Variants in SOX6 observed in about 807,000 individuals in gnomAD.
SOX6 encodes the protein SRY-box transcription factor 6.
A neutral mutation model predicts 97.8 loss-of-function variants in SOX6; 11 were observed. The ratio of observed to expected loss-of-function variants is 0.11; its 90% CI spans 0.07 to 0.19. The LOEUF is 0.19. SOX6 is among the 10% of genes least tolerant of loss of function. The pLI is 1.00. For synonymous variants in SOX6, 360 were observed against 371.4 expected (o/e 0.97, Z 0.35); for missense variants, 810 against 1,039.5 (o/e 0.78, Z 3.04).
At chr11:16,457,778 A>C (rs1217192103) in intron 1 of SOX6, among the ~76,000 whole-genome samples, 1 of 152,048 alleles carries the variant, frequency 6.6e-6, no homozygotes, top group East Asian at 1.9e-4. Flanking sequence ...TACTCCAAAA[A>C]GTATGTTGAG....
intron 13 of SOX6, among the ~76,000 whole-genome samples, chr11:16,011,713 T>C (rs2133858684): frequency 6.6e-6 from 1 of 152,162 alleles, no homozygotes; most frequent in Admixed American, 6.5e-5. Context: ...TGGCTTACTT[T>C]AGTCACTTCA....
chr11:16,108,424 G>A (rs1203832966), intron 7 of SOX6, among the ~76,000 whole-genome samples: 1 of 152,124 alleles, frequency 6.6e-6, no homozygotes, highest in Admixed American at 6.6e-5. Context: ...AGCTGATCTT[G>A]ATTGGATATA....
At chr11:16,631,470 G>T (rs1205233886) in intron 3 of SOX6, among the ~76,000 whole-genome samples, 2 of 152,262 alleles carry the variant, frequency 1.3e-5, no homozygotes, top group Admixed American at 6.5e-5. Flanking sequence ...AGCCTGATGG[G>T]ATTCCCTTTG....
intron 4 of SOX6, among the ~76,000 whole-genome samples, chr11:16,195,499 G>A (rs567590292): frequency 6.6e-6 from 1 of 152,244 alleles, no homozygotes; most frequent in Admixed American, 6.5e-5. Flanking sequence ...CTCAGTTAAG[G>A]CTTTGTTTAC....
At chr11:16,729,325 G>C (rs1026259999) in intron 2 of SOX6, among the ~76,000 whole-genome samples, 5 of 152,178 alleles carry the variant, frequency 3.3e-5, no homozygotes, top group African/African-American at 9.7e-5. Flanking sequence ...AGGGCAGCCA[G>C]AGAGAAAGGC....
intron 1 of SOX6, among the ~76,000 whole-genome samples, chr11:16,456,030 T>G (rs955205102): frequency 6.6e-6 from 1 of 152,124 alleles, no homozygotes; most frequent in Non-Finnish European, 1.5e-5. Flanking sequence ...ATAAAAATTC[T>G]TAAACCTTAT....
intron 4 of SOX6, among the ~76,000 whole-genome samples, chr11:16,515,828 T>A (rs1424561472): frequency 8.8e-6 from 1 of 113,740 alleles, no homozygotes; most frequent in African/African-American, 3.1e-5. Context: ...TGCTTGTTTT[T>A]CTCAGGTTTG....
chr11:16,590,114 G>A (rs147246593), intron 4 of SOX6, among the ~76,000 whole-genome samples: 1 of 152,324 alleles, frequency 6.6e-6, no homozygotes, highest in East Asian at 1.9e-4. Flanking sequence ...CAGTGTGAAT[G>A]ATGTCTTCTG....
intron 3 of SOX6, among the ~76,000 whole-genome samples, chr11:16,635,268 A>G (rs1415498770): frequency 6.6e-6 from 1 of 152,166 alleles, no homozygotes; most frequent in Non-Finnish European, 1.5e-5. Context: ...GTTCCTAGAG[A>G]CTTGTTGAAT....
chr11:16,596,214 G>A (rs764036866), intron 4 of SOX6, among the ~76,000 whole-genome samples: 3 of 152,190 alleles, frequency 2.0e-5, no homozygotes, highest in Non-Finnish European at 4.4e-5. Context: ...CTGATCATCA[G>A]TTCATATATT....
chr11:16,690,294 G>C (rs1278561342), intron 3 of SOX6, among the ~76,000 whole-genome samples: 1 of 152,114 alleles, frequency 6.6e-6, no homozygotes, highest in Non-Finnish European at 1.5e-5. Flanking sequence ...TCTCTCTGTG[G>C]CTTATGACAT....
intron 4 of SOX6, among the ~76,000 whole-genome samples, chr11:16,232,013 GTTTCT>G (rs1185111008): frequency 4.6e-5 from 7 of 151,524 alleles, no homozygotes; most frequent in Non-Finnish European, 1.0e-4. Context: ...TTTTTTGTAT[GTTTCT>G]TACAGATAAA....
intron 6 of SOX6, among the ~76,000 whole-genome samples, chr11:16,137,055 T>C (rs913144852): frequency 6.6e-6 from 1 of 152,228 alleles, no homozygotes; most frequent in African/African-American, 2.4e-5. Flanking sequence ...CCTTGGAAGA[T>C]AAAAATAATT....
chr11:16,111,740 T>C, intron 7 of SOX6, 63 bp downstream of exon 7: 2 of 1,593,180 alleles, frequency 1.3e-6, no homozygotes, highest in Admixed American at 1.7e-5. Flanking sequence ...TTGTTGTGAG[T>C]ACTAAGCATA....
chr11:16,396,980 A>G (rs1253211559), intron 1 of SOX6, among the ~76,000 whole-genome samples: 3 of 151,522 alleles, frequency 2.0e-5, no homozygotes, highest in Non-Finnish European at 3.0e-5. Context: ...CAAAAATATC[A>G]GAACCTATAA....
At chr11:16,718,555 T>C (rs1338575482) in intron 2 of SOX6, among the ~76,000 whole-genome samples, 1 of 152,298 alleles carries the variant, frequency 6.6e-6, no homozygotes, top group East Asian at 1.9e-4. Context: ...TAAATTTTTT[T>C]AAATCAGTAT....
intron 1 of SOX6, among the ~76,000 whole-genome samples, chr11:16,391,846 A>G (rs12295257): frequency 6.6e-6 from 1 of 151,924 alleles, no homozygotes. Context: ...AATTTTTATA[A>G]CTCTACCAAG....
At chr11:16,306,627 C>CTTTTTCT (rs1855446534) in intron 3 of SOX6, among the ~76,000 whole-genome samples, 1 of 106,454 alleles carries the variant, frequency 9.4e-6, no homozygotes, top group Non-Finnish European at 1.9e-5. Flanking sequence ...TTTTTTTTTT[C>CTTTTTCT]TTTTTTTTTT....
intron 3 of SOX6, among the ~76,000 whole-genome samples, chr11:16,712,078 TACACACACAC>T (rs58807051): frequency 1.5e-3 from 204 of 139,996 alleles, no homozygotes; most frequent in Non-Finnish European, 1.5e-3. Flanking sequence ...TAGTATTCCA[TACACACACAC>T]ACACACACAC....
Sources: allele counts gnomAD v4.1 joint callset (sites outside exome capture counted in the v4.1 genomes callset), GRCh38; gene constraint gnomAD v4.1.1; transcripts MANE v1.5; gene names NCBI Gene and HGNC (gene_info 2026-07-23, HGNC 2026-07-21).